Variants in DNAH11 observed in about 807,000 individuals in gnomAD.
The protein encoded by DNAH11 is axonemal beta dynein heavy chain 11.
A neutral mutation model predicts 526.0 loss-of-function variants in DNAH11; 442 were observed. The observed-to-expected ratio is 0.84, with a 90% confidence interval of 0.78 to 0.91. The LOEUF (loss-of-function observed/expected upper bound fraction) is 0.91. Among genes scored for constraint, DNAH11 ranks in the 40% least tolerant of loss-of-function variants. The pLI, the probability that DNAH11 is intolerant of heterozygous loss-of-function variation, is 0.00. For synonymous variants in DNAH11, 2,461 were observed against 1,935.9 expected, an observed-to-expected ratio of 1.27 and a Z score of -7.12; for missense variants, 6,989 against 5,448.7, an observed-to-expected ratio of 1.28 and a Z score of -8.90.
At chr7:21,611,719 T>C (rs1785530075) in intron 20 of DNAH11, among the ~76,000 whole-genome samples, 2 of 152,210 alleles carry the variant, frequency 1.3e-5, no homozygotes, top group Admixed American at 6.5e-5. Flanking sequence ...AGCATACTTC[T>C]CATTAGCAAC....
intron 56 of DNAH11, among the ~76,000 whole-genome samples, chr7:21,778,698 C>T (rs1787792482): frequency 6.6e-6 from 1 of 152,168 alleles, no homozygotes; most frequent in Non-Finnish European, 1.5e-5. Flanking sequence ...AGAGCAACTT[C>T]CCTACTTAAC....
chr7:21,615,094 T>A lies in DNAH11; in HGVS notation c.3853-20T>A. The stretch of plus-strand genomic sequence containing the variant: ...CTTTCTCTGGCAGTTTGTATGCAGG[T>A]GTTTATGTTCTCTCCTTAGGCAAAT... On this transcript the variant is annotated intron_variant, in intron 20 of 81. Coordinates refer to ENST00000409508, the MANE Select transcript of DNAH11 (RefSeq NM_001277115.2). The A allele has an allele frequency of 6.3e-7, 1 of 1,588,114 alleles. No homozygotes were observed. Among genetic ancestry groups the A allele is most frequent in the Non-Finnish European group, 8.5e-7 (1 of 1,171,234 alleles).
Position 21,789,223 on chromosome 7 carries a change from T to G in DNAH11, c.9925-18T>G, listed in dbSNP as rs759126745. On this transcript the variant is annotated intron_variant, in intron 60 of 81. Transcript: ENST00000409508. ...TTACTTATCCTCTTTGTATCTGTATTAATTCATGAATTTTCAGGTCTACTG... is the reference window on the plus strand; with the variant it reads ...TTACTTATCCTCTTTGTATCTGTATGAATTCATGAATTTTCAGGTCTACTG... 6.6e-7 allele frequency: 1 copy of G among 1,525,324 alleles called. No individual in the cohort carries two copies. The highest frequency in any genetic ancestry group is 2.4e-5 in the East Asian group (1 of 41,340). 94.5% of individuals were successfully genotyped at this position (1,525,324 alleles called of 1,614,324 possible). A position where few individuals can be genotyped will look rare whatever the true frequency, so the allele number is the denominator to read the frequency against.
At chr7:21,591,141 C>T (rs1327550074) in intron 13 of DNAH11, 44 bp from the exon 14 acceptor site, 2 of 1,522,824 alleles carry the variant, frequency 1.3e-6, no homozygotes, top group East Asian at 2.3e-5. Flanking sequence ...GAGAAAATAG[C>T]TAACATATTT....
At chr7:21,601,374 T>G in intron 17 of DNAH11, 22 bp from the exon 18 acceptor site, 1 of 1,590,996 alleles carries the variant, frequency 6.3e-7, no homozygotes, top group Non-Finnish European at 8.6e-7. Context: ...TGTGTGTATC[T>G]ATGTACATAT....
chr7:21,730,709 T>C (rs939969161), intron 45 of DNAH11, among the ~76,000 whole-genome samples: 1 of 152,116 alleles, frequency 6.6e-6, no homozygotes, highest in African/African-American at 2.4e-5. Context: ...TGGGGAGATG[T>C]TGGTCAAGGG....
intron 65 of DNAH11, among the ~76,000 whole-genome samples, chr7:21,828,430 T>C (rs964680097): frequency 6.6e-6 from 1 of 152,244 alleles, no homozygotes; most frequent in Non-Finnish European, 1.5e-5. Flanking sequence ...GCAACAGCTT[T>C]TCTATTCCTA....
At chr7:21,544,611 T>C (rs2285948) in intron 1 of DNAH11, among the ~76,000 whole-genome samples, 67,402 of 152,000 alleles carry the variant, frequency 0.44, 15,283 homozygotes, top group Middle Eastern at 0.53. Context: ...CCTCTTGGGC[T>C]TGTCTTTATC....
At chr7:21,865,453 A>G (rs571407645) in intron 70 of DNAH11, among the ~76,000 whole-genome samples, 23 of 152,332 alleles carry the variant, frequency 1.5e-4, no homozygotes, top group African/African-American at 5.5e-4. Flanking sequence ...AGTTTAACCA[A>G]GAGTCTGTTT....
chr7:21,887,537 G>A (rs1369181091), intron 76 of DNAH11, among the ~76,000 whole-genome samples: 1 of 152,182 alleles, frequency 6.6e-6, no homozygotes, highest in Non-Finnish European at 1.5e-5. Flanking sequence ...GCCGTATGAT[G>A]TAATTGACCC....
chr7:21,543,639 T>C lies in DNAH11; in HGVS notation c.351+43T>C, dbSNP rs377063605. ...AGGGGACCTGCCCATCCAACAAAACTACCCAGGGGAGACAGCCCAGTCGCT... is the reference window on the plus strand; with the variant it reads ...AGGGGACCTGCCCATCCAACAAAACCACCCAGGGGAGACAGCCCAGTCGCT... On this transcript the variant is annotated intron_variant, in intron 1 of 81. Transcript: ENST00000409508. 94 of 1,541,524 alleles carry C rather than the reference T, an allele frequency of 6.1e-5. 1 individual carries two copies. The East Asian group carries it at 7.3e-4, about 12-fold the overall frequency.
chr7:21,603,737 C>G (rs1785179508), intron 18 of DNAH11, among the ~76,000 whole-genome samples: 1 of 152,132 alleles, frequency 6.6e-6, no homozygotes, highest in Non-Finnish European at 1.5e-5. Context: ...GTAGAAACAA[C>G]TATAAATAGT....
chr7:21,752,398 T>C (rs7796262), intron 54 of DNAH11, among the ~76,000 whole-genome samples: 12,528 of 152,226 alleles, frequency 0.082, 788 homozygotes, highest in East Asian at 0.28. Context: ...GCAGAGGTGA[T>C]GCTGAGCAAC....
At position 21,543,408 on chromosome 7, in the gene DNAH11, CA is replaced by C; in HGVS notation, c.165del (p.Asp56ThrfsTer13). 1.3e-6 allele frequency: 2 copies of C among 1,553,876 alleles called. No individual in the cohort carries two copies. Among genetic ancestry groups the C allele is most frequent in the Non-Finnish European group, 1.7e-6 (2 of 1,148,028 alleles). ...GGCCAGGAGAGCGCGGAGTTTCGCCCAAGACGCGCGGGTGCGCTTCCTCGGC... is the reference window on the plus strand; with the variant it reads ...GGCCAGGAGAGCGCGGAGTTTCGCCCAGACGCGCGGGTGCGCTTCCTCGGC... ...AAARRARSFA[Q>X]DARVRFLGGR... is the part of the protein sequence containing the mutation. On this transcript the variant is annotated frameshift_variant, in exon 1 of 82. Transcript: ENST00000409508. LOFTEE classifies it high-confidence loss of function.
Position 21,900,055 on chromosome 7 carries a change from A to C in DNAH11, c.13238A>C (p.Lys4413Thr). 6.2e-7 allele frequency: 1 copy of C among 1,613,996 alleles called. No homozygotes were observed. The highest frequency in any genetic ancestry group is 8.5e-7 in the Non-Finnish European group (1 of 1,179,880). The change falls in exon 81 of 82, where the codon AAA becomes ACA. Residue 4413 changes from lysine to threonine, a missense_variant. Physicochemically the swap from Lys to Thr is moderately conservative, Grantham distance 78. Coordinates refer to ENST00000409508, the MANE Select transcript of DNAH11 (RefSeq NM_001277115.2). Reference sequence around the variant, plus strand: ...CGCTTGACTGCTGATGTTACCAAAAAAACAAAGGAAGATTATGGACACCCG... The same window carrying C: ...CGCTTGACTGCTGATGTTACCAAAACAACAAAGGAAGATTATGGACACCCG... ...KTRLTADVTK[K>T]TKEDYGHPPR...
intron 74 of DNAH11, among the ~76,000 whole-genome samples, chr7:21,879,554 T>C (rs1449083568): frequency 6.6e-6 from 1 of 152,212 alleles, no homozygotes; most frequent in Non-Finnish European, 1.5e-5. Flanking sequence ...TACTTTTAGT[T>C]CATTGGAAGG....
intron 21 of DNAH11, among the ~76,000 whole-genome samples, chr7:21,615,561 A>G (rs1785732177): frequency 6.6e-6 from 1 of 151,374 alleles, no homozygotes; most frequent in Non-Finnish European, 1.5e-5. Context: ...AAAAATTAAT[A>G]TATAAATATA....
chr7:21,584,065 A>G (rs1307449934), intron 9 of DNAH11, among the ~76,000 whole-genome samples: 1 of 152,210 alleles, frequency 6.6e-6, no homozygotes, highest in Non-Finnish European at 1.5e-5. Context: ...TGACCTGGCA[A>G]TACCATTACT....
At chr7:21,856,633 C>G (rs369529585) in intron 68 of DNAH11, among the ~76,000 whole-genome samples, 26 of 152,220 alleles carry the variant, frequency 1.7e-4, no homozygotes, top group African/African-American at 6.3e-4. Context: ...CACAATGTAT[C>G]ATGACCAAGT....
Sources: allele counts gnomAD v4.1 joint callset (sites outside exome capture counted in the v4.1 genomes callset), GRCh38; gene constraint gnomAD v4.1.1; transcripts MANE v1.5; gene names NCBI Gene and HGNC (gene_info 2026-07-23, HGNC 2026-07-21).